Variants in ANXA4 observed in about 807,000 individuals in gnomAD.
ANXA4 encodes the protein 35-beta calcimedin.
A neutral mutation model predicts 49.8 loss-of-function variants in ANXA4; 39 were observed. That is an observed-to-expected ratio of 0.78 (90% CI 0.61 to 1.02). The LOEUF is 1.02. Among genes scored for constraint, ANXA4 ranks in the 50% least tolerant of loss-of-function variants. ANXA4 has a pLI of 0.00. For synonymous variants in ANXA4, 134 were observed against 152.5 expected, an observed-to-expected ratio of 0.88 and a Z score of 0.89; for missense variants, 360 against 410.1, an observed-to-expected ratio of 0.88 and a Z score of 1.05.
intron 2 of ANXA4, among the ~76,000 whole-genome samples, chr2:69,782,285 T>G (rs1235901949): frequency 1.3e-5 from 2 of 152,198 alleles, no homozygotes; most frequent in Non-Finnish European, 2.9e-5. Context: ...CTGGAGAGCC[T>G]GACAGCTTGA....
In ANXA4 at chr2:69,730,120, G is replaced by C. The variant is rs112028123; in HGVS notation, n.864+9249G>C. Among the ~76,000 whole-genome samples, 766 of 152,048 alleles carry C rather than the reference G, an allele frequency of 5.0e-3. 9 individuals are homozygous for C. The highest frequency in any genetic ancestry group is 0.017 in the African/African-American group (704 of 41,472). The stretch of plus-strand genomic sequence containing the variant: ...TTTGGGAGGCCAAGGCGGGAGGATC[G>C]CTTGAGGCCAGGAGTTTGAGACCAC... On this transcript the variant is annotated intron_variant and non_coding_transcript_variant, in intron 3 of 3. Coordinates refer to the ANXA4 transcript ENST00000418066.
chr2:69,664,739 G>A (rs1322418602), intron 2 of ANXA4, among the ~76,000 whole-genome samples: 3 of 152,118 alleles, frequency 2.0e-5, no homozygotes, highest in Non-Finnish European at 4.4e-5. Context: ...TCAAGAGATG[G>A]CATCTATGTC....
chr2:69,741,892 G>A (rs1559130489), upstream of ANXA4: 3 of 152,526 alleles, frequency 2.0e-5, no homozygotes, highest in Non-Finnish European at 4.4e-5. Context: ...GCGAGGCCGG[G>A]GGACCGGGCG....
At chr2:69,820,662 G>A in intron 11 of ANXA4, 37 bp from the exon 12 acceptor site, 1 of 1,611,300 alleles carries the variant, frequency 6.2e-7, no homozygotes, top group Non-Finnish European at 8.5e-7. Context: ...AAACAGCTAG[G>A]TTTTTGTATA....
intron 1 of ANXA4, among the ~76,000 whole-genome samples, chr2:69,651,312 A>C (rs977127825): frequency 3.3e-5 from 5 of 152,328 alleles, no homozygotes; most frequent in Non-Finnish European, 7.4e-5. Context: ...TTGAGGTTGC[A>C]GTAAACTATG....
intron 3 of ANXA4, among the ~76,000 whole-genome samples, chr2:69,804,084 G>A (rs1673330672): frequency 6.7e-6 from 1 of 148,420 alleles, no homozygotes; most frequent in African/African-American, 2.5e-5. Flanking sequence ...GTTGCAGTGA[G>A]CTGAGATCGC....
rs115701587 is a variant in ANXA4, at chr2:69,818,390, A to C, written c.629-209A>C. 690 of 345,688 alleles carry C rather than the reference A, an allele frequency of 2.0e-3. 1 individual carries two copies. Among genetic ancestry groups the C allele is most frequent in the African/African-American group, 0.013 (614 of 47,150 alleles). The allele number at this position is 345,688 out of a possible 1,614,324, so 21.4% of individuals were successfully genotyped here. A position where few individuals can be genotyped will look rare whatever the true frequency, so the allele number is the denominator to read the frequency against. ...GGAAAGGACTTGACTGATGTCCTCC[A>C]AACATCACAGCATTTCTTCCTCCTT... On this transcript the variant is annotated intron_variant, in intron 9 of 12. Transcript: ENST00000394295.
At chr2:69,756,414 A>G in intron 1 of ANXA4, among the ~76,000 whole-genome samples, 1 of 152,216 alleles carries the variant, frequency 6.6e-6, no homozygotes, top group African/African-American at 2.4e-5. Flanking sequence ...TGGGAGAAAA[A>G]CTAGTAGAAA....
intron 8 of ANXA4, 44 bp downstream of exon 8, chr2:69,812,753 C>G: frequency 2.5e-6 from 4 of 1,574,974 alleles, no homozygotes; most frequent in Non-Finnish European, 2.6e-6. Flanking sequence ...TCTTCTCTTT[C>G]GCCAATGAGA....
intron 4 of ANXA4, among the ~76,000 whole-genome samples, chr2:69,805,953 G>A (rs1472080208): frequency 6.6e-6 from 1 of 152,088 alleles, no homozygotes; most frequent in Non-Finnish European, 1.5e-5. Flanking sequence ...ATCCCAAAAC[G>A]AAAAAACATT....
At chr2:69,801,396 G>A (rs1673188140) in intron 3 of ANXA4, among the ~76,000 whole-genome samples, 1 of 137,584 alleles carries the variant, frequency 7.3e-6, no homozygotes. Flanking sequence ...CTCACTATCT[G>A]TTTTTTGTTT....
chr2:69,698,279 T>A (rs57695549), intron 2 of ANXA4, among the ~76,000 whole-genome samples: 1 of 152,166 alleles, frequency 6.6e-6, no homozygotes, highest in Non-Finnish European at 1.5e-5. Context: ...ACCTTGAGGA[T>A]TGGGATTTTA....
chr2:69,739,742 C>T (rs554540736), upstream of ANXA4, among the ~76,000 whole-genome samples: 2 of 152,198 alleles, frequency 1.3e-5, no homozygotes, highest in South Asian at 4.2e-4. Context: ...AATTTAAAGG[C>T]TCCTTGGAGT....
intron 1 of ANXA4, among the ~76,000 whole-genome samples, chr2:69,760,497 TG>T (rs1434632974): frequency 6.6e-6 from 1 of 152,210 alleles, no homozygotes; most frequent in Non-Finnish European, 1.5e-5. Flanking sequence ...CTGTTTAGAA[TG>T]CTATGTTTTT....
intron 6 of ANXA4, chr2:69,808,619 T>C (rs958215012): frequency 1.3e-5 from 2 of 152,346 alleles, no homozygotes; most frequent in Non-Finnish European, 2.9e-5. Flanking sequence ...AATGAACTAT[T>C]ATGTAGTCAT....
chr2:69,732,382 A>C (rs1018338504), intron 3 of ANXA4, among the ~76,000 whole-genome samples: 19 of 152,118 alleles, frequency 1.2e-4, no homozygotes, highest in African/African-American at 4.1e-4. Flanking sequence ...AGTTCTGAGA[A>C]TATCTAATAT....
intron 2 of ANXA4, among the ~76,000 whole-genome samples, chr2:69,709,670 A>G (rs1678614512): frequency 6.6e-6 from 1 of 152,160 alleles, no homozygotes. Context: ...TCTGAAACCC[A>G]TTTCAGAAAC....
chr2:69,770,929 T>TAA (rs879329077), intron 1 of ANXA4, among the ~76,000 whole-genome samples: 23 of 131,674 alleles, frequency 1.7e-4, no homozygotes, highest in African/African-American at 2.9e-4. Context: ...TCTAGAAAAT[T>TAA]TAAAAAAAAA....
intron 1 of ANXA4, among the ~76,000 whole-genome samples, chr2:69,778,978 A>G (rs1307393667): frequency 6.6e-6 from 1 of 150,624 alleles, no homozygotes; most frequent in Non-Finnish European, 1.5e-5. Flanking sequence ...CATGCCTGTA[A>G]TCCATCTGTA....
Sources: gnomAD v4.1 joint callset for allele counts (sites outside exome capture counted in the v4.1 genomes callset) on GRCh38, gnomAD v4.1.1 for gene constraint, MANE v1.5 for transcripts, NCBI Gene and HGNC (gene_info 2026-07-23, HGNC 2026-07-21) for gene names.